Variants in HERC1 observed in about 807,000 individuals in gnomAD.
HERC1 encodes the protein HECT and RLD domain containing E3 ubiquitin protein ligase family member 1, also known as probable E3 ubiquitin-protein ligase HERC1.
HERC1 carries 160 observed loss-of-function variants against 554.3 expected under a neutral mutation model. That is an observed-to-expected ratio of 0.29 (90% confidence interval 0.25 to 0.33). HERC1 has a LOEUF of 0.33. Among genes scored for constraint, HERC1 ranks in the 10% least tolerant of loss-of-function variants. The pLI is 1.00. For synonymous variants in HERC1, 2,175 were observed against 2,131.7 expected, an observed-to-expected ratio of 1.02 and a Z score of -0.56; for missense variants, 4,919 against 5,918.5, an observed-to-expected ratio of 0.83 and a Z score of 5.54.
chr15:63,777,977 T>C (rs1191247698), intron 1 of HERC1, among the ~76,000 whole-genome samples: 1 of 152,196 alleles, frequency 6.6e-6, no homozygotes, highest in Non-Finnish European at 1.5e-5. Flanking sequence ...ACCAACACCA[T>C]TTATTAAGTA....
chr15:63,627,361 A>AAG (rs2068344295), intron 70 of HERC1, among the ~76,000 whole-genome samples: 2 of 152,162 alleles, frequency 1.3e-5, no homozygotes, highest in African/African-American at 4.8e-5. Context: ...AGATGGTAGA[A>AAG]AGACAAGGCT....
chr15:63,644,854 T>C (rs1273237400), intron 57 of HERC1, 138 bp downstream of exon 57: 1 of 628,740 alleles, frequency 1.6e-6, no homozygotes, highest in African/African-American at 1.8e-5. Flanking sequence ...TAATTCAGGA[T>C]GACAATTACT....
intron 33 of HERC1, among the ~76,000 whole-genome samples, chr15:63,687,122 C>G (rs1349047658): frequency 6.6e-6 from 1 of 152,204 alleles, no homozygotes; most frequent in East Asian, 1.9e-4. Context: ...GAGACCTACA[C>G]AGAATGATGT....
chr15:63,651,873 T>A (rs2069703294), intron 52 of HERC1, among the ~76,000 whole-genome samples: 1 of 152,158 alleles, frequency 6.6e-6, no homozygotes, highest in South Asian at 2.1e-4. Flanking sequence ...CTGTCTCTAC[T>A]AATAATACAA....
chr15:63,818,885 C>CTACT (rs2145640577), intron 1 of HERC1, among the ~76,000 whole-genome samples: 1 of 152,228 alleles, frequency 6.6e-6, no homozygotes, highest in African/African-American at 2.4e-5. Context: ...TTACTGCAGC[C>CTACT]TACTAGTAGG....
intron 1 of HERC1, among the ~76,000 whole-genome samples, chr15:63,778,378 G>C (rs540959074): frequency 1.6e-4 from 24 of 152,300 alleles, no homozygotes; most frequent in African/African-American, 5.8e-4. Context: ...ACAGGGAAGA[G>C]ATTTTAAAGT....
At chr15:63,684,246 C>T (rs1595967917) in intron 34 of HERC1, among the ~76,000 whole-genome samples, 1 of 152,236 alleles carries the variant, frequency 6.6e-6, no homozygotes, top group African/African-American at 2.4e-5. Context: ...ATTGACTCTA[C>T]ATCCCTCACC....
intron 1 of HERC1, among the ~76,000 whole-genome samples, chr15:63,822,390 A>T (rs2077731924): frequency 6.6e-6 from 1 of 152,206 alleles, no homozygotes; most frequent in Non-Finnish European, 1.5e-5. Flanking sequence ...GTTCGAGACC[A>T]GCCTGACCAA....
At chr15:63,743,485 T>C (rs973625472) in intron 12 of HERC1, among the ~76,000 whole-genome samples, 15 of 152,000 alleles carry the variant, frequency 9.9e-5, no homozygotes, top group Admixed American at 9.2e-4. Context: ...GGAATGTCTC[T>C]ATCTCTTGAC....
At chr15:63,675,213 G>A in intron 37 of HERC1, 96 bp from the exon 38 acceptor site, 7 of 974,480 alleles carry the variant, frequency 7.2e-6, no homozygotes, top group Non-Finnish European at 9.1e-6. Flanking sequence ...GGTGCATCAT[G>A]TACACAATAC....
intron 3 of HERC1, among the ~76,000 whole-genome samples, chr15:63,760,227 A>G (rs1340233416): frequency 6.6e-6 from 1 of 151,938 alleles, no homozygotes; most frequent in Non-Finnish European, 1.5e-5. Context: ...TTAACATTAC[A>G]CACAAAAAAA....
intron 74 of HERC1, among the ~76,000 whole-genome samples, chr15:63,620,289 T>A (rs1032825162): frequency 6.6e-6 from 1 of 152,170 alleles, no homozygotes; most frequent in Non-Finnish European, 1.5e-5. Context: ...TCAGTTTCCA[T>A]GTAGTTGAGC....
chr15:63,664,994 C>T (rs2070546649), intron 42 of HERC1, among the ~76,000 whole-genome samples: 1 of 152,070 alleles, frequency 6.6e-6, no homozygotes, highest in South Asian at 2.1e-4. Flanking sequence ...AGCTTGCATG[C>T]CATCTAGGAC....
intron 1 of HERC1, among the ~76,000 whole-genome samples, chr15:63,824,161 A>C (rs1271087240): frequency 2.6e-5 from 4 of 152,128 alleles, no homozygotes; most frequent in African/African-American, 9.7e-5. Flanking sequence ...GGGAGTGGGG[A>C]AAAGGGAATA....
In HERC1 at chr15:63,687,228, C is replaced by T. The variant is rs548189538; in HGVS notation, c.6049-693G>A. 2.0e-5 allele frequency among the ~76,000 whole-genome samples: 3 copies of T among 152,124 alleles called. No individual in the cohort carries two copies. In the East Asian group the frequency reaches 5.8e-4, roughly 29 times the overall value. On this transcript the variant is annotated intron_variant, in intron 33 of 77. Transcript: ENST00000443617. ...AGAGAGACTGACTAATCAGGATATC[C>T]CTGCAAGTTCAGGTAAGAAATAGTG...
intron 25 of HERC1, among the ~76,000 whole-genome samples, chr15:63,700,528 G>A (rs1159293312): frequency 5.9e-5 from 9 of 151,458 alleles, no homozygotes; most frequent in African/African-American, 1.9e-4. Context: ...TTCGTAACAC[G>A]GAGCTAATAT....
Position 63,634,832 on chromosome 15 carries a change from G to A in HERC1, c.12471C>T (p.Thr4157=). 1 of 1,613,512 alleles carries A rather than the reference G, an allele frequency of 6.2e-7. No homozygotes were observed. Among genetic ancestry groups the A allele is most frequent in the East Asian group, 2.2e-5 (1 of 44,852 alleles). The change falls in exon 66 of 78, where the codon ACC becomes ACT. Residue 4157 remains threonine, a synonymous_variant. Transcript: ENST00000443617. Reference sequence around the variant, plus strand: ...GACGACCATAGTCACCATTCCCAAAGGTGAACAGTTTGCCATCTGAAGTGA... The same window carrying A: ...GACGACCATAGTCACCATTCCCAAAAGTGAACAGTTTGCCATCTGAAGTGA... ...AVVTSDGKLF[T]FGNGDYGRLG...
At chr15:63,683,548 G>C (rs184501732) in intron 34 of HERC1, among the ~76,000 whole-genome samples, 6 of 152,292 alleles carry the variant, frequency 3.9e-5, no homozygotes, top group African/African-American at 1.4e-4. Flanking sequence ...TTCTGAGTGG[G>C]TCAATCTGGA....
chr15:63,807,908 C>T (rs982178890), intron 1 of HERC1, among the ~76,000 whole-genome samples: 1 of 151,852 alleles, frequency 6.6e-6, no homozygotes, highest in Non-Finnish European at 1.5e-5. Flanking sequence ...ATTAAACCTG[C>T]TTGAACAACC....
Sources: gnomAD v4.1 joint callset for allele counts (sites outside exome capture counted in the v4.1 genomes callset) on GRCh38, gnomAD v4.1.1 for gene constraint, MANE v1.5 for transcripts, NCBI Gene and HGNC (gene_info 2026-07-23, HGNC 2026-07-21) for gene names.